Variants in USP12 observed in about 807,000 individuals in gnomAD.
USP12 encodes the protein ubiquitin specific peptidase 12, also known as ubiquitin carboxyl-terminal hydrolase 12.
USP12 carries 19 observed loss-of-function variants against 45.5 expected under a neutral mutation model. The ratio of observed to expected loss-of-function variants is 0.42; its 90% CI spans 0.29 to 0.61. The LOEUF (loss-of-function observed/expected upper bound fraction) is 0.61. USP12 is among the 20% of genes least tolerant of loss of function. USP12 has a pLI of 0.22. For missense variants in USP12, 242 were observed against 447.7 expected (o/e 0.54, Z 4.15); for synonymous variants, 149 against 148.8 (o/e 1.00, Z -0.01).
At chr13:27,128,911 A>C (rs560338054) in intron 1 of USP12, among the ~76,000 whole-genome samples, 1 of 152,346 alleles carries the variant, frequency 6.6e-6, no homozygotes, top group South Asian at 2.1e-4. Flanking sequence ...TCACTATATA[A>C]ATACAAGGTA....
chr13:27,068,455 T>A lies in USP12; in HGVS notation c.*828A>T, dbSNP rs1317387768. ...GCAGTTTTTCTCAAGGTATCTTAAC[T>A]GATTTCAGATAGAAATTAAAATTCA... On this transcript the variant is annotated 3_prime_UTR_variant, in exon 9 of 9. Transcript: ENST00000282344. 1.3e-5 allele frequency: 2 copies of A among 152,530 alleles called. No individual in the cohort carries two copies. The highest frequency in any genetic ancestry group is 2.9e-5 in the Non-Finnish European group (2 of 68,030). 9.4% of individuals were successfully genotyped at this position (152,530 alleles called of 1,614,324 possible).
intron 1 of USP12, among the ~76,000 whole-genome samples, chr13:27,118,856 C>T (rs1274306041): frequency 6.6e-6 from 1 of 152,148 alleles, no homozygotes; most frequent in Non-Finnish European, 1.5e-5. Context: ...ATGCCACTCG[C>T]CTTGTATTCT....
At chr13:27,156,913 C>T (rs1322121577) in intron 1 of USP12, among the ~76,000 whole-genome samples, 2 of 152,078 alleles carry the variant, frequency 1.3e-5, no homozygotes, top group Non-Finnish European at 2.9e-5. Context: ...CAGCATGATC[C>T]GGCGGCAAAA....
At chr13:27,111,035 T>C (rs1304349420) in intron 2 of USP12, among the ~76,000 whole-genome samples, 1 of 152,222 alleles carries the variant, frequency 6.6e-6, no homozygotes, top group African/African-American at 2.4e-5. Flanking sequence ...TGTAGACTAC[T>C]GGAAGTCAGG....
chr13:27,160,144 AACTAAAC>A, intron 1 of USP12, among the ~76,000 whole-genome samples: 1 of 152,330 alleles, frequency 6.6e-6, no homozygotes, highest in African/African-American at 2.4e-5. Flanking sequence ...TAAAGAAAGA[AACTAAAC>A]AGAGAACAAA....
chr13:27,083,186 C>A (rs1450397168), intron 6 of USP12, among the ~76,000 whole-genome samples: 1 of 152,144 alleles, frequency 6.6e-6, no homozygotes, highest in Non-Finnish European at 1.5e-5. Context: ...AGACAGTTAC[C>A]ATAGCAACAT....
chr13:27,137,527 G>A (rs1471439522), intron 1 of USP12, among the ~76,000 whole-genome samples: 1 of 152,150 alleles, frequency 6.6e-6, no homozygotes, highest in Non-Finnish European at 1.5e-5. Flanking sequence ...TTAAATGAAA[G>A]TAGACATGTT....
chr13:27,095,872 C>A, intron 3 of USP12, 42 bp from the exon 4 acceptor site: 1 of 1,442,854 alleles, frequency 6.9e-7, no homozygotes, highest in Non-Finnish European at 9.2e-7. Flanking sequence ...TTTCAGAATT[C>A]ATAACTTCAT....
intron 1 of USP12, among the ~76,000 whole-genome samples, chr13:27,128,560 C>T (rs1009572551): frequency 6.6e-6 from 1 of 152,216 alleles, no homozygotes; most frequent in Non-Finnish European, 1.5e-5. Context: ...TGTGTTTTTT[C>T]AGCATCTTCA....
At chr13:27,151,377 T>G (rs546080553) in intron 1 of USP12, among the ~76,000 whole-genome samples, 7 of 152,294 alleles carry the variant, frequency 4.6e-5, no homozygotes, top group African/African-American at 1.7e-4. Flanking sequence ...AATTAAATTT[T>G]GTGCTTCAAA....
intron 1 of USP12, among the ~76,000 whole-genome samples, chr13:27,134,724 C>A (rs530828737): frequency 6.6e-6 from 1 of 151,760 alleles, no homozygotes; most frequent in African/African-American, 2.4e-5. Context: ...ACAAGATAGA[C>A]GTCATAATAG....
chr13:27,165,703 T>A (rs946166503), intron 1 of USP12, among the ~76,000 whole-genome samples: 1 of 152,152 alleles, frequency 6.6e-6, no homozygotes, highest in Non-Finnish European at 1.5e-5. Flanking sequence ...GAAAAAAGTG[T>A]CAAAAATTAG....
chr13:27,097,170 A>G (rs950571924), intron 3 of USP12, among the ~76,000 whole-genome samples: 2 of 151,918 alleles, frequency 1.3e-5, no homozygotes, highest in Admixed American at 6.6e-5. Flanking sequence ...TAAGTTTAAA[A>G]AAAAAAAAAA....
chr13:27,083,003 T>C (rs546393772), intron 6 of USP12, among the ~76,000 whole-genome samples: 1 of 152,252 alleles, frequency 6.6e-6, no homozygotes, highest in South Asian at 2.1e-4. Context: ...GTCCAGCTAA[T>C]TTTGTATTTT....
chr13:27,149,198 T>G (rs1286111791), intron 1 of USP12, among the ~76,000 whole-genome samples: 1 of 151,864 alleles, frequency 6.6e-6, no homozygotes, highest in Admixed American at 6.5e-5. Context: ...AAGAAAAGAT[T>G]GATTTACGGA....
Position 27,171,804 on chromosome 13 carries a change from C to T in USP12, c.-165G>A. 5.0e-6 allele frequency: 1 copy of T among 201,010 alleles called. No individual in the cohort carries two copies. The highest frequency in any genetic ancestry group is 1.5e-4 in the South Asian group (1 of 6,490). 12.5% of individuals were successfully genotyped at this position (201,010 alleles called of 1,614,324 possible). On this transcript the variant is annotated 5_prime_UTR_variant, in exon 1 of 9. Transcript: ENST00000282344. ...CGCTGCCGTCGTCGCCGCCGGCGCT[C>T]AGGCACTCCCGGCCTCGGGCCCCAG...
chr13:27,088,156 C>CA (rs1250043253), intron 6 of USP12, among the ~76,000 whole-genome samples: 2 of 152,178 alleles, frequency 1.3e-5, no homozygotes, highest in Non-Finnish European at 2.9e-5. Flanking sequence ...CGCAGTGGCT[C>CA]ACGCCTGTAA....
chr13:27,127,413 G>A (rs1876293330), intron 1 of USP12, among the ~76,000 whole-genome samples: 2 of 152,192 alleles, frequency 1.3e-5, no homozygotes, highest in South Asian at 4.1e-4. Context: ...AGAACATGTT[G>A]CTAAGTCTGA....
chr13:27,085,458 G>A (rs1238636299), intron 6 of USP12, among the ~76,000 whole-genome samples: 1 of 152,118 alleles, frequency 6.6e-6, no homozygotes, highest in African/African-American at 2.4e-5. Context: ...TGGGATTACA[G>A]GCGTGAGCCA....
Sources: allele counts gnomAD v4.1 joint callset (sites outside exome capture counted in the v4.1 genomes callset), GRCh38; gene constraint gnomAD v4.1.1; transcripts MANE v1.5; gene names NCBI Gene and HGNC (gene_info 2026-07-23, HGNC 2026-07-21).